The following DNAH6 variants were observed in gnomAD, a reference collection of about 807,000 sequenced individuals.
The protein encoded by DNAH6 is dynein axonemal heavy chain 6.
In DNAH6, 340 loss-of-function variants were observed where a neutral mutation model predicts 491.4. The ratio of observed to expected loss-of-function variants is 0.69; its 90% CI spans 0.63 to 0.76. The LOEUF is 0.76. Among genes scored for constraint, DNAH6 ranks in the 30% least tolerant of loss-of-function variants. DNAH6 has a pLI of 0.00. For synonymous variants in DNAH6, 1,603 were observed against 1,686.1 expected (o/e 0.95, Z 1.21); for missense variants, 4,443 against 4,972.2 (o/e 0.89, Z 3.20).
At chr2:84,813,016 A>G (rs1172747097) in intron 73 of DNAH6, 42 bp from the exon 74 acceptor site, 1 of 1,505,748 alleles carries the variant, frequency 6.6e-7, no homozygotes, top group Admixed American at 2.0e-5. Context: ...AACAAATTCC[A>G]TCCCAGAAAT....
At chr2:84,673,640 A>G (rs769215695) in intron 40 of DNAH6, among the ~76,000 whole-genome samples, 1 of 152,238 alleles carries the variant, frequency 6.6e-6, no homozygotes, top group Non-Finnish European at 1.5e-5. Flanking sequence ...AGCCAGTCCA[A>G]CCTCCAAAAC....
chr2:84,504,932 T>A, the DNAH6 span, among the ~76,000 whole-genome samples: 1 of 152,236 alleles, frequency 6.6e-6, no homozygotes, highest in Non-Finnish European at 1.5e-5. Flanking sequence ...GTATTGAATC[T>A]GTACATCAAT....
chr2:84,491,986 A>G, the DNAH6 span, among the ~76,000 whole-genome samples: 1 of 152,166 alleles, frequency 6.6e-6, no homozygotes, highest in Admixed American at 6.5e-5. Flanking sequence ...CGCCGAGAAG[A>G]TTCTCCCAGT....
intron 19 of DNAH6, among the ~76,000 whole-genome samples, chr2:84,605,213 C>T (rs7573414): frequency 0.072 from 10,889 of 150,442 alleles, 1,301 homozygotes; most frequent in African/African-American, 0.26. Flanking sequence ...ATTAGCCAGG[C>T]GTGGTGGCAA....
chr2:84,473,715 T>G, the DNAH6 span, among the ~76,000 whole-genome samples: 18 of 152,240 alleles, frequency 1.2e-4, no homozygotes, highest in African/African-American at 4.3e-4. Flanking sequence ...TCTTTGAATT[T>G]GAACCTTTTG....
At chr2:84,523,335 T>G in intron 2 of DNAH6, among the ~76,000 whole-genome samples, 1 of 152,124 alleles carries the variant, frequency 6.6e-6, no homozygotes, top group African/African-American at 2.4e-5. Flanking sequence ...TATTTGGATC[T>G]TTTCTCTTTC....
At position 84,654,753 on chromosome 2, in the gene DNAH6, A is replaced by C. The variant is rs560927624; in HGVS notation, c.5728A>C (p.Lys1910Gln). ...AGAACTGAAATGGATGCCTTATGTT[A>C]AAACTTGGATGAAGGGTATTTCTAA... ...PEELKWMPYV[K>Q]TWMKGISKKL... Residue 1910 changes from lysine to glutamine, a missense_variant, in exon 35 of 77, where the codon AAA becomes CAA. Lys to Gln is a moderately conservative substitution (Grantham distance 53). This residue lies in a region of DNAH6 where 2,977 missense variants were observed against 3,296.6 expected (regional missense o/e 0.90). Transcript: ENST00000389394. The C allele has an allele frequency of 1.9e-6, 3 of 1,551,026 alleles. No individual in the cohort carries two copies. In the African/African-American group the frequency reaches 4.1e-5, roughly 21 times the overall value.
At chr2:84,567,857 G>A (rs1681369300) in intron 11 of DNAH6, among the ~76,000 whole-genome samples, 1 of 152,094 alleles carries the variant, frequency 6.6e-6, no homozygotes, top group African/African-American at 2.4e-5. Flanking sequence ...AGACTGAATA[G>A]ACAACCTACA....
intron 68 of DNAH6, among the ~76,000 whole-genome samples, chr2:84,789,154 A>G (rs1300598868): frequency 6.6e-6 from 1 of 152,234 alleles, no homozygotes. Flanking sequence ...AAGAAGGGCC[A>G]AGACAGTGTT....
At chr2:84,758,120 C>G (rs1349947895) in intron 63 of DNAH6, among the ~76,000 whole-genome samples, 1 of 152,164 alleles carries the variant, frequency 6.6e-6, no homozygotes, top group Non-Finnish European at 1.5e-5. Context: ...GATAAAGCCA[C>G]TGAGAACCAA....
rs544683897 is a variant in DNAH6, at chr2:84,735,744, T to G, written c.10342+2165T>G. The stretch of plus-strand genomic sequence containing the variant: ...ATGGGCTTATTTACATTTTATTGAT[T>G]TAAGTTCTTTATAGATTCTGAATAT... On this transcript the variant is annotated intron_variant, in intron 62 of 76. Transcript: ENST00000389394. 8.5e-5 allele frequency among the ~76,000 whole-genome samples: 13 copies of G among 152,318 alleles called. 1 individual carries two copies. In the South Asian group the frequency reaches 2.7e-3, roughly 32 times the overall value.
chr2:84,778,283 G>T, intron 64 of DNAH6: 1 of 564,098 alleles, frequency 1.8e-6, no homozygotes, highest in South Asian at 1.9e-5. Context: ...GGTGGCATGT[G>T]GCAATGAGAT....
intron 56 of DNAH6, 116 bp from the exon 57 acceptor site, chr2:84,712,979 C>G: frequency 2.4e-6 from 2 of 839,114 alleles, no homozygotes; most frequent in Non-Finnish European, 1.8e-6. Flanking sequence ...TCCATCAGAT[C>G]ACTGGAAAAT....
At chr2:84,668,255 T>G (rs1000207037) in intron 37 of DNAH6, among the ~76,000 whole-genome samples, 2 of 152,132 alleles carry the variant, frequency 1.3e-5, no homozygotes, top group Admixed American at 1.3e-4. Context: ...AAAAAAACTT[T>G]GATTCTGGAT....
chr2:84,686,485 C>A lies in DNAH6; in HGVS notation c.7065C>A (p.Asn2355Lys). ...AACTTGGTTTTGTTCTTTAAATAGA[C>A]AAACATTTTGGAATTGCAATTGACC... is the stretch of plus-strand genomic sequence containing the variant. ...YFHVILTEMA[N>K]KHFGIAIDLE... The change falls in exon 44 of 77, where the codon AAC becomes AAA. Residue 2355 changes from asparagine (N) to lysine (K), a missense_variant and splice_region_variant. Coordinates refer to ENST00000389394, the MANE Select transcript of DNAH6 (RefSeq NM_001370.2). The A allele has an allele frequency of 6.6e-7, 1 of 1,517,578 alleles. No homozygotes were observed. Among genetic ancestry groups the A allele is most frequent in the Non-Finnish European group, 8.9e-7 (1 of 1,120,332 alleles). 94.0% of individuals were successfully genotyped at this position (1,517,578 alleles called of 1,614,324 possible). A position where few individuals can be genotyped will look rare whatever the true frequency, so the allele number is the denominator to read the frequency against.
chr2:84,473,040 G>A, the DNAH6 span, among the ~76,000 whole-genome samples: 1 of 152,110 alleles, frequency 6.6e-6, no homozygotes, highest in East Asian at 1.9e-4. Flanking sequence ...ACTTGTTGAG[G>A]TCCTGCAAAT....
At chr2:84,601,021 A>AATGTTATTATTATAGT (rs1685168634) in intron 18 of DNAH6, among the ~76,000 whole-genome samples, 1 of 147,434 alleles carries the variant, frequency 6.8e-6, no homozygotes, top group African/African-American at 2.5e-5. Flanking sequence ...ATATTATAAT[A>AATGTTATTATTATAGT]ATAATGTTAT....
intron 68 of DNAH6, among the ~76,000 whole-genome samples, 159 bp from the exon 69 acceptor site, chr2:84,796,147 T>G (rs1329525813): frequency 6.6e-6 from 1 of 152,234 alleles, no homozygotes; most frequent in Non-Finnish European, 1.5e-5. Flanking sequence ...TTGACTTCTA[T>G]TATCTTTGAG....
chr2:84,731,042 G>A (rs1232428686), intron 61 of DNAH6, among the ~76,000 whole-genome samples: 1 of 152,134 alleles, frequency 6.6e-6, no homozygotes, highest in East Asian at 1.9e-4. Flanking sequence ...TAAAGCATCT[G>A]GAAATGGTCC....
Sources: allele counts gnomAD v4.1 joint callset (sites outside exome capture counted in the v4.1 genomes callset), GRCh38; gene constraint gnomAD v4.1.1; regional missense constraint gnomAD v4.1.1; transcripts MANE v1.5; gene names NCBI Gene and HGNC (gene_info 2026-07-23, HGNC 2026-07-21).